The following NDE1 variants were observed in gnomAD, a reference collection of about 807,000 sequenced individuals.
NDE1 encodes the protein nuclear distribution protein nudE homolog 1.
Under a neutral mutation model 43.4 loss-of-function variants are expected in NDE1, and 28 were observed. The ratio of observed to expected loss-of-function variants is 0.65; its 90% CI spans 0.48 to 0.89. The LOEUF (loss-of-function observed/expected upper bound fraction) is 0.89. Ranked by LOEUF, NDE1 falls within the 40% of genes least tolerant of loss-of-function variation. The probability of loss-of-function intolerance (pLI) is 0.00; values close to 1 mark genes in which losing one functional copy is unlikely to be tolerated. For missense variants in NDE1, 441 were observed against 434.1 expected (o/e 1.02, Z -0.14); for synonymous variants, 184 against 172.0 (o/e 1.07, Z -0.55).
intron 8 of NDE1, among the ~76,000 whole-genome samples, chr16:15,710,705 A>G (rs2039737770): frequency 6.6e-6 from 1 of 151,080 alleles, no homozygotes; most frequent in East Asian, 1.9e-4. Flanking sequence ...TTTTGGAGAC[A>G]GAGTCTTGCT....
In NDE1 at chr16:15,715,203, C is replaced by T. The variant is rs758553530; in HGVS notation, c.948-8988C>T. 6.8e-6 allele frequency: 11 copies of T among 1,613,970 alleles called. No individual in the cohort carries two copies. The highest frequency in any genetic ancestry group is 9.3e-6 in the Non-Finnish European group (11 of 1,180,050). On this transcript the variant is annotated intron_variant, in intron 8 of 8. Coordinates refer to ENST00000396354, the MANE Select transcript of NDE1 (RefSeq NM_017668.3). ...GCTCGGCCATCTTGCGCTCGTCCTC[C>T]ACCTGCAGCAAGATTTCCTTCAGCT...
intron 8 of NDE1, chr16:15,719,761 A>T: frequency 1.2e-6 from 2 of 1,612,816 alleles, no homozygotes; most frequent in Non-Finnish European, 1.7e-6. Flanking sequence ...TTACTCCCCC[A>T]AGTTCTGCTG....
intron 8 of NDE1, chr16:15,714,144 C>T (rs1303146658): frequency 6.5e-6 from 1 of 152,698 alleles, no homozygotes; most frequent in South Asian, 2.1e-4. Context: ...AAGCCCGGAG[C>T]TAAAACCTCC....
At position 15,691,191 on chromosome 16, in the gene NDE1, A is replaced by T. The variant is rs771545096; in HGVS notation, c.571A>T (p.Thr191Ser). The T allele has an allele frequency of 8.7e-6, 14 of 1,613,762 alleles. 1 individual carries two copies. Among genetic ancestry groups the T allele is most frequent in the Non-Finnish European group, 3.4e-6 (4 of 1,180,002 alleles). The change falls in exon 6 of 9, where the codon ACC becomes TCC. Residue 191 changes from threonine to serine, a missense_variant. Coordinates refer to ENST00000396354, the MANE Select transcript of NDE1 (RefSeq NM_017668.3). Reference protein sequence around the residue: ...AVQQKQEKPRTPMPSSVEAER... With the variant: ...AVQQKQEKPRSPMPSSVEAER... ...GCAGCAGAAGCAGGAGAAACCCAGG[A>T]CCCCCATGCCCAGCTCAGTGGAAGC...
intron 8 of NDE1, chr16:15,702,181 G>C (rs1269654708): frequency 2.6e-5 from 4 of 152,184 alleles, no homozygotes; most frequent in African/African-American, 9.7e-5. Flanking sequence ...TGGAGTTGGT[G>C]GTATACGGCA....
chr16:15,644,984 A>G (rs1810761476), intron 1 of NDE1, among the ~76,000 whole-genome samples: 1 of 142,756 alleles, frequency 7.0e-6, no homozygotes. Flanking sequence ...CAGTGGCAGG[A>G]TCTTGGCTCA....
chr16:15,674,812 A>G (rs1567635636), intron 3 of NDE1, among the ~76,000 whole-genome samples: 1 of 151,950 alleles, frequency 6.6e-6, no homozygotes, highest in East Asian at 1.9e-4. Flanking sequence ...CCCAGGCTCA[A>G]ATGGTGTTCC....
At position 15,678,094 on chromosome 16, in the gene NDE1, G is replaced by A. The variant is rs78975640; in HGVS notation, c.386+145G>A. 0.079 allele frequency: 80,271 copies of A among 1,018,672 alleles called. 4,091 individuals carry two copies. The highest frequency in any genetic ancestry group is 0.23 in the East Asian group (9,178 of 39,520). The allele number at this position is 1,018,672 out of a possible 1,614,324, so 63.1% of individuals were successfully genotyped here. A position where few individuals can be genotyped will look rare whatever the true frequency, so the allele number is the denominator to read the frequency against. On this transcript the variant is annotated intron_variant, in intron 4 of 8. Coordinates refer to ENST00000396354, the MANE Select transcript of NDE1 (RefSeq NM_017668.3). Reference sequence around the variant, plus strand: ...AGTGCCCTTCTGGATTTTAGTGCCCGGGGGGAAATGGACAATAGTCGAAGA... The same window carrying A: ...AGTGCCCTTCTGGATTTTAGTGCCCAGGGGGAAATGGACAATAGTCGAAGA...
At chr16:15,701,289 A>AGCT (rs1344214679) in intron 8 of NDE1, 2 of 151,538 alleles carry the variant, frequency 1.3e-5, no homozygotes, top group Non-Finnish European at 2.9e-5. Flanking sequence ...CCTGCTTCTT[A>AGCT]GCTTCTCATT....
At chr16:15,723,424 A>G (rs1324243932) in intron 8 of NDE1, among the ~76,000 whole-genome samples, 1 of 152,218 alleles carries the variant, frequency 6.6e-6, no homozygotes, top group Non-Finnish European at 1.5e-5. Flanking sequence ...AGGCAGGCAG[A>G]TCATGTGAGG....
At chr16:15,697,023 T>G in intron 8 of NDE1, 163 bp downstream of exon 8, 1 of 1,528,334 alleles carries the variant, frequency 6.5e-7, no homozygotes, top group Non-Finnish European at 8.7e-7. Context: ...TTAGGTGGTG[T>G]CTTGTGGCTT....
upstream of NDE1, among the ~76,000 whole-genome samples, chr16:15,649,038 A>C (rs1403384611): frequency 6.6e-6 from 1 of 151,956 alleles, no homozygotes; most frequent in Non-Finnish European, 1.5e-5. Context: ...TCTACTAAAA[A>C]TATAAAAATT....
upstream of NDE1, chr16:15,650,231 C>A: frequency 3.8e-6 from 1 of 260,392 alleles, no homozygotes; most frequent in Non-Finnish European, 7.8e-6. Context: ...AGGGCCGGGG[C>A]CGCACCGCCC....
rs764696173 is a variant in NDE1, at chr16:15,694,333, C to T, written c.795+77C>T. 34 of 1,567,006 alleles carry T rather than the reference C, an allele frequency of 2.2e-5. 1 individual carries two copies. The highest frequency in any genetic ancestry group is 2.8e-5 in the Non-Finnish European group (32 of 1,156,848). On this transcript the variant is annotated intron_variant, in intron 7 of 8. Transcript: ENST00000396354. The stretch of plus-strand genomic sequence containing the variant: ...TGTGTGAAGGGGGTTGATCTAGTTC[C>T]TTCCCTCTCTTCTTTTTTTCTTTTT...
At chr16:15,704,250 A>G in intron 8 of NDE1, 1 of 1,030,090 alleles carries the variant, frequency 9.7e-7, no homozygotes, top group Non-Finnish European at 1.4e-6. Flanking sequence ...TATGGCAGAA[A>G]ACACACACGG....
chr16:15,711,634 G>A (rs563895947), intron 8 of NDE1, among the ~76,000 whole-genome samples: 27 of 152,232 alleles, frequency 1.8e-4, no homozygotes, highest in South Asian at 1.0e-3. Flanking sequence ...AGAATGAAGC[G>A]GGGAAAATAT....
intron 6 of NDE1, among the ~76,000 whole-genome samples, chr16:15,693,248 A>C (rs1004738900): frequency 2.0e-5 from 3 of 152,084 alleles, no homozygotes; most frequent in African/African-American, 7.2e-5. Context: ...CAACTGATCG[A>C]ACTGCCTCGG....
intron 5 of NDE1, among the ~76,000 whole-genome samples, chr16:15,689,697 T>C (rs755114601): frequency 3.3e-5 from 5 of 152,132 alleles, no homozygotes; most frequent in Non-Finnish European, 5.9e-5. Flanking sequence ...CCCAGCACTT[T>C]GGGAGGCCAA....
intron 4 of NDE1, among the ~76,000 whole-genome samples, chr16:15,679,059 A>G (rs921737959): frequency 1.3e-5 from 2 of 152,208 alleles, no homozygotes; most frequent in Non-Finnish European, 2.9e-5. Flanking sequence ...CCTGGGTGAC[A>G]GAGCTAGACT....
Sources: allele counts gnomAD v4.1 joint callset (sites outside exome capture counted in the v4.1 genomes callset), GRCh38; gene constraint gnomAD v4.1.1; transcripts MANE v1.5; gene names NCBI Gene and HGNC (gene_info 2026-07-23, HGNC 2026-07-21).